The following RIPOR3 variants were observed in gnomAD, a reference collection of about 807,000 sequenced individuals.
RIPOR3 encodes the protein family with sequence similarity 65 member C.
RIPOR3 carries 95 observed loss-of-function variants against 114.3 expected under a neutral mutation model. The observed-to-expected ratio is 0.83, with a 90% confidence interval of 0.70 to 0.99. RIPOR3 has a LOEUF of 0.99. RIPOR3 is among the 50% of genes least tolerant of loss of function. The pLI, the probability that RIPOR3 is intolerant of heterozygous loss-of-function variation, is 0.00. For synonymous variants in RIPOR3, 575 were observed against 543.8 expected (o/e 1.06, Z -0.80); for missense variants, 1,252 against 1,266.9 (o/e 0.99, Z 0.18).
intron 2 of RIPOR3, among the ~76,000 whole-genome samples, chr20:50,625,918 T>C (rs1291839029): frequency 6.6e-6 from 1 of 152,198 alleles, no homozygotes; most frequent in Non-Finnish European, 1.5e-5. Flanking sequence ...CTTCCCCAAG[T>C]GAGCCATCTG....
intron 11 of RIPOR3, 30 bp downstream of exon 11, chr20:50,608,359 T>C: frequency 1.2e-6 from 2 of 1,612,718 alleles, no homozygotes; most frequent in African/African-American, 1.3e-5. Flanking sequence ...CAGCCAGGCC[T>C]CCGCTCTCCC....
At position 50,604,862 on chromosome 20, in the gene RIPOR3, A is replaced by G. The variant is rs1363156297; in HGVS notation, c.957-88T>C. 2.0e-6 allele frequency: 3 copies of G among 1,492,600 alleles called. No individual in the cohort carries two copies. In the East Asian group the frequency reaches 7.1e-5, roughly 35 times the overall value. 92.5% of individuals were successfully genotyped at this position (1,492,600 alleles called of 1,614,324 possible). On this transcript the variant is annotated intron_variant, in intron 11 of 21. Coordinates refer to ENST00000327979, the MANE Select transcript of RIPOR3 (RefSeq NM_001290268.2). ...GGCCCACAGGGCTCTTAGGTTATGCAGGTAGATGGTCTTCATCTTACAATA... is the reference window on the plus strand; with the variant it reads ...GGCCCACAGGGCTCTTAGGTTATGCGGGTAGATGGTCTTCATCTTACAATA...
chr20:50,602,184 G>A lies in RIPOR3; in HGVS notation c.1547C>T (p.Ala516Val). The A allele has an allele frequency of 1.2e-6, 2 of 1,613,274 alleles. No individual in the cohort carries two copies. Among genetic ancestry groups the A allele is most frequent in the South Asian group, 1.1e-5 (1 of 91,044 alleles). Residue 516 changes from alanine (A) to valine (V), a missense_variant, in exon 13 of 22, where the codon GCC becomes GTC. By Grantham distance (64) the Ala-to-Val change is moderately conservative (BLOSUM62 0). Coordinates refer to ENST00000327979, the MANE Select transcript of RIPOR3 (RefSeq NM_001290268.2). This position sits in a 1 kb window ranked among gnomAD's most constrained non-coding sequence, Gnocchi z 4.3. ...TGDREDGPGV[A>V]LEGPLQEVLE... is the part of the protein sequence containing the mutation. ...GACCTCCTGCAGAGGCCCCTCGAGG[G>A]CCACGCCAGGCCCGTCCTCTCTGTC...
chr20:50,587,897 T>C lies in RIPOR3; in HGVS notation c.2662-5A>G. ...CTGGTCGATGCTTTCAATGCCCTGTTCGAGATTAGGAGAAAAAGAACCCTT... is the reference window on the plus strand; with the variant it reads ...CTGGTCGATGCTTTCAATGCCCTGTCCGAGATTAGGAGAAAAAGAACCCTT... On this transcript the variant is annotated splice_region_variant and splice_polypyrimidine_tract_variant and intron_variant, in intron 20 of 21. Coordinates refer to ENST00000327979, the MANE Select transcript of RIPOR3 (RefSeq NM_001290268.2). 6.2e-7 allele frequency: 1 copy of C among 1,614,012 alleles called. No homozygotes were observed. Among genetic ancestry groups the C allele is most frequent in the Non-Finnish European group, 8.5e-7 (1 of 1,180,002 alleles).
rs538900092 is a variant in RIPOR3, at chr20:50,628,610, C to T, written c.122+2128G>A. Among the ~76,000 whole-genome samples, 17 of 152,312 alleles carry T rather than the reference C, an allele frequency of 1.1e-4. No individual in the cohort carries two copies. In the South Asian group the frequency reaches 2.1e-3, roughly 19 times the overall value. ...CCAGGAGACCATGGGTGCCCTCCCC[C>T]ACCCCCAGTTCAGTTCCCTCACAGC... is the stretch of plus-strand genomic sequence containing the variant. On this transcript the variant is annotated intron_variant, in intron 2 of 21. Coordinates refer to ENST00000327979, the MANE Select transcript of RIPOR3 (RefSeq NM_001290268.2).
intron 13 of RIPOR3, among the ~76,000 whole-genome samples, chr20:50,601,195 A>G (rs1415356236): frequency 1.1e-4 from 16 of 152,182 alleles, no homozygotes; most frequent in Admixed American, 7.9e-4. Context: ...GCACTTTGGG[A>G]GGCTGAGGCA....
chr20:50,616,081 C>T lies in RIPOR3; in HGVS notation c.270-1G>A. On this transcript the variant is annotated splice_acceptor_variant, in intron 3 of 21. Coordinates refer to ENST00000327979, the MANE Select transcript of RIPOR3 (RefSeq NM_001290268.2). LOFTEE classifies it high-confidence loss of function. ...AGCCTGCTGCACACACAGATACTCC[C>T]TGCAAGGAAAGCAAGGAAGAGTTTC... The T allele has an allele frequency of 6.2e-7, 1 of 1,611,068 alleles. No individual in the cohort carries two copies. Among genetic ancestry groups the T allele is most frequent in the Non-Finnish European group, 8.5e-7 (1 of 1,178,734 alleles).
At chr20:50,601,852 T>C (rs1196571830) in intron 13 of RIPOR3, among the ~76,000 whole-genome samples, 1 of 152,150 alleles carries the variant, frequency 6.6e-6, no homozygotes, top group Non-Finnish European at 1.5e-5. Flanking sequence ...CATGAGCCTA[T>C]CTACTGTGAA....
rs2083561528 is a variant in RIPOR3 at position 50,602,952 on chromosome 20, C to T, written c.1087-308G>A. On this transcript the variant is annotated intron_variant, in intron 12 of 21. Coordinates refer to ENST00000327979, the MANE Select transcript of RIPOR3 (RefSeq NM_001290268.2). This position sits in a 1 kb window ranked among gnomAD's most constrained non-coding sequence, Gnocchi z 4.3. ...TGCACTGACTGTGCTCTCGTCAGAA[C>T]ACTCTTCCCCATGTGCCTTCATGGC... Among the ~76,000 whole-genome samples the T allele has an allele frequency of 6.6e-6, 1 of 152,246 alleles. No individual in the cohort carries two copies. The highest frequency in any genetic ancestry group is 2.4e-5 in the African/African-American group (1 of 41,472).
chr20:50,676,068 T>C (rs2086667354), intron 1 of RIPOR3, among the ~76,000 whole-genome samples: 1 of 152,136 alleles, frequency 6.6e-6, no homozygotes. Flanking sequence ...GAAGATTCCA[T>C]AAGGGCAGGA....
At chr20:50,620,250 A>G (rs1033127173) in intron 2 of RIPOR3, 118 bp from the exon 3 acceptor site, 5 of 1,229,648 alleles carry the variant, frequency 4.1e-6, no homozygotes, top group Admixed American at 2.3e-5. Context: ...GACCCGGCTC[A>G]GTCCCACCCC....
intron 14 of RIPOR3, 149 bp from the exon 15 acceptor site, chr20:50,596,412 C>T (rs2083293155): frequency 8.7e-7 from 1 of 1,149,788 alleles, no homozygotes; most frequent in Non-Finnish European, 1.2e-6. Flanking sequence ...GGGAAAGGAA[C>T]AAAGGGTGGC....
intron 4 of RIPOR3, among the ~76,000 whole-genome samples, chr20:50,612,410 A>T (rs1406491330): frequency 6.6e-6 from 1 of 151,938 alleles, no homozygotes; most frequent in East Asian, 1.9e-4. Context: ...TTTTTAAGTG[A>T]CTCTAATTTT....
At position 50,595,487 on chromosome 20, in the gene RIPOR3, AT is replaced by A; in HGVS notation, c.1931del (p.Asn644IlefsTer52). On this transcript the variant is annotated frameshift_variant, in exon 16 of 22. Transcript: ENST00000327979. LOFTEE classifies it high-confidence loss of function. Reference sequence around the variant, plus strand: ...GGCATTCCTGGACCAGCCTTGATAAATTAGGGGAGGCCAGTTTCTGGGAAGC... The same window carrying A: ...GGCATTCCTGGACCAGCCTTGATAAATAGGGGAGGCCAGTTTCTGGGAAGC... ...KALLQKLASP[N>X]LSRLVQECLL... 6.2e-7 allele frequency: 1 copy of A among 1,614,026 alleles called. No homozygotes were observed. The highest frequency in any genetic ancestry group is 8.5e-7 in the Non-Finnish European group (1 of 1,179,984).
At chr20:50,596,748 G>A (rs771410369) in intron 14 of RIPOR3, among the ~76,000 whole-genome samples, 2 of 152,224 alleles carry the variant, frequency 1.3e-5, no homozygotes, top group East Asian at 1.9e-4. Flanking sequence ...ACGAAACACC[G>A]CACTCGTCCG....
intron 6 of RIPOR3, 104 bp downstream of exon 6, chr20:50,610,749 G>A: frequency 6.7e-7 from 1 of 1,497,312 alleles, no homozygotes; most frequent in Non-Finnish European, 9.2e-7. Flanking sequence ...CAGAGGCCCT[G>A]ATCCCTGTTT....
intron 2 of RIPOR3, chr20:50,620,787 G>T (rs1300969766): frequency 8.9e-6 from 9 of 1,010,690 alleles, no homozygotes; most frequent in Non-Finnish European, 1.2e-5. Flanking sequence ...ATGGCCATGG[G>T]CCTCAACAAG....
Position 50,594,724 on chromosome 20 carries a change from C to T in RIPOR3, c.2051-10G>A. The T allele has an allele frequency of 6.2e-7, 1 of 1,604,594 alleles. No homozygotes were observed. On this transcript the variant is annotated splice_polypyrimidine_tract_variant and intron_variant, in intron 16 of 21. Transcript: ENST00000327979. ...GAGGCCTGTGGGATGACTGAAAGCC[C>T]CAGTTCAGAAACCTGAATGGTGACT...
intron 17 of RIPOR3, among the ~76,000 whole-genome samples, chr20:50,593,492 A>G (rs1426444634): frequency 6.6e-6 from 1 of 151,564 alleles, no homozygotes; most frequent in African/African-American, 2.4e-5. Flanking sequence ...AATCGCTTGA[A>G]CCCGGGAGGT....
Sources: gnomAD v4.1 joint callset for allele counts (sites outside exome capture counted in the v4.1 genomes callset) on GRCh38, gnomAD v4.1.1 for gene constraint, Gnocchi (gnomAD v3.1) non-coding constraint, MANE v1.5 for transcripts, NCBI Gene and HGNC (gene_info 2026-07-23, HGNC 2026-07-21) for gene names.